Variants in CCDC60 observed in about 807,000 individuals in gnomAD.
CCDC60 encodes coiled-coil domain-containing protein 60.
A neutral mutation model predicts 63.5 loss-of-function variants in CCDC60; 54 were observed. That is an observed-to-expected ratio of 0.85 (90% CI 0.68 to 1.07). The LOEUF is 1.07. CCDC60 is among the 50% of genes least tolerant of loss of function. The pLI is 0.00. For missense variants in CCDC60, 651 were observed against 684.3 expected (o/e 0.95, Z 0.54); for synonymous variants, 206 against 238.8 (o/e 0.86, Z 1.27).
intron 1 of CCDC60, among the ~76,000 whole-genome samples, chr12:119,382,256 C>T (rs908647275): frequency 6.6e-6 from 1 of 152,174 alleles, no homozygotes; most frequent in Non-Finnish European, 1.5e-5. Flanking sequence ...AGCGTTTTAC[C>T]ATGAGGCAGA....
chr12:119,428,563 C>T, intron 1 of CCDC60, 120 bp from the exon 2 acceptor site: 1 of 658,918 alleles, frequency 1.5e-6, no homozygotes, highest in Non-Finnish European at 2.7e-6. Flanking sequence ...TCTGTGCTGC[C>T]CAGGACTCCT....
chr12:119,537,579 C>T (rs531321987), intron 13 of CCDC60, among the ~76,000 whole-genome samples: 3 of 152,262 alleles, frequency 2.0e-5, no homozygotes, highest in Admixed American at 6.5e-5. Flanking sequence ...TTGGTGGTGA[C>T]CTACAGATGG....
chr12:119,359,998 T>G (rs1180292121), intron 1 of CCDC60, among the ~76,000 whole-genome samples: 1 of 152,096 alleles, frequency 6.6e-6, no homozygotes, highest in Non-Finnish European at 1.5e-5. Flanking sequence ...CCCCTTTCTA[T>G]TCCACAAAGC....
chr12:119,418,386 CTTTTTTTTTTTT>C (rs556783132), intron 1 of CCDC60, among the ~76,000 whole-genome samples: 1 of 65,758 alleles, frequency 1.5e-5, no homozygotes, highest in Non-Finnish European at 2.7e-5. Context: ...TTCTTTCTTT[CTTTTTTTTTTTT>C]TTTTTTTTTT....
At chr12:119,514,485 G>T (rs889318682) in intron 7 of CCDC60, among the ~76,000 whole-genome samples, 3 of 151,696 alleles carry the variant, frequency 2.0e-5, no homozygotes, top group African/African-American at 7.3e-5. Flanking sequence ...CACCGCATCT[G>T]CCCTTAGTTT....
chr12:119,479,063 C>A, intron 3 of CCDC60, 31 bp from the exon 4 acceptor site: 1 of 1,491,672 alleles, frequency 6.7e-7, no homozygotes, highest in South Asian at 1.1e-5. Flanking sequence ...GCTCATTGTT[C>A]ACATTGTTTC....
At chr12:119,407,903 G>A (rs1956523210) in intron 1 of CCDC60, among the ~76,000 whole-genome samples, 2 of 152,214 alleles carry the variant, frequency 1.3e-5, no homozygotes, top group South Asian at 4.1e-4. Flanking sequence ...TGGTAGTTCA[G>A]TTATGGAATG....
Position 119,538,501 on chromosome 12 carries a change from T to A in CCDC60, c.1552-2113T>A, listed in dbSNP as rs1593235471. 2.0e-5 allele frequency among the ~76,000 whole-genome samples: 3 copies of A among 152,236 alleles called. No individual in the cohort carries two copies. In the East Asian group the frequency reaches 5.8e-4, roughly 29 times the overall value. On this transcript the variant is annotated intron_variant, in intron 13 of 13. Transcript: ENST00000327554. ...AGAAATCACCTGTCTTCTGCATCGA[T>A]CATGCTGGGAGCTGCAGACTGGAGC...
At chr12:119,513,172 T>G (rs1952258441) in intron 7 of CCDC60, among the ~76,000 whole-genome samples, 1 of 152,170 alleles carries the variant, frequency 6.6e-6, no homozygotes, top group South Asian at 2.1e-4. Flanking sequence ...AATTGAGATA[T>G]CCAGGGATTT....
intron 1 of CCDC60, among the ~76,000 whole-genome samples, chr12:119,358,217 T>C (rs1361119099): frequency 6.6e-6 from 1 of 152,130 alleles, no homozygotes; most frequent in Non-Finnish European, 1.5e-5. Flanking sequence ...CCAAACCATG[T>C]CAGGTGATTA....
At chr12:119,399,260 T>C (rs1326359249) in intron 1 of CCDC60, among the ~76,000 whole-genome samples, 1 of 152,164 alleles carries the variant, frequency 6.6e-6, no homozygotes, top group Non-Finnish European at 1.5e-5. Flanking sequence ...TCTTAGTTCA[T>C]GGGGTGCTCA....
intron 1 of CCDC60, among the ~76,000 whole-genome samples, chr12:119,358,050 A>T (rs1955735809): frequency 6.6e-6 from 1 of 152,054 alleles, no homozygotes; most frequent in South Asian, 2.1e-4. Flanking sequence ...AAACAACCAG[A>T]TCTCATGAGC....
intron 2 of CCDC60, among the ~76,000 whole-genome samples, chr12:119,432,761 A>G (rs1200815052): frequency 6.6e-6 from 1 of 150,994 alleles, no homozygotes; most frequent in African/African-American, 2.5e-5. Flanking sequence ...AAACACAGCT[A>G]TTGTTAAAGA....
chr12:119,393,035 AC>A (rs1956188296), intron 1 of CCDC60, among the ~76,000 whole-genome samples: 1 of 152,208 alleles, frequency 6.6e-6, no homozygotes, highest in South Asian at 2.1e-4. Context: ...ATGGTGGCAC[AC>A]GCCTATGGTC....
At chr12:119,375,266 G>GA (rs1955939610) in intron 1 of CCDC60, among the ~76,000 whole-genome samples, 1 of 152,118 alleles carries the variant, frequency 6.6e-6, no homozygotes, top group Non-Finnish European at 1.5e-5. Context: ...CAGCTTTCTG[G>GA]AAAAAACAAA....
At chr12:119,458,513 T>C (rs916800222) in intron 2 of CCDC60, among the ~76,000 whole-genome samples, 1 of 152,210 alleles carries the variant, frequency 6.6e-6, no homozygotes, top group African/African-American at 2.4e-5. Context: ...CCCCCCATAA[T>C]AGAAAGGTTG....
intron 12 of CCDC60, among the ~76,000 whole-genome samples, chr12:119,530,544 T>C (rs1229496792): frequency 6.6e-6 from 1 of 152,214 alleles, no homozygotes; most frequent in Non-Finnish European, 1.5e-5. Flanking sequence ...TCCGACCTGA[T>C]TAACCCTCAG....
intron 7 of CCDC60, 100 bp from the exon 8 acceptor site, chr12:119,516,523 G>T (rs955898624): frequency 1.4e-6 from 1 of 730,278 alleles, no homozygotes. Context: ...CAACCCTCAG[G>T]AGCAGAGGTG....
At chr12:119,355,727 A>C (rs1460151770) in intron 1 of CCDC60, among the ~76,000 whole-genome samples, 2 of 152,378 alleles carry the variant, frequency 1.3e-5, no homozygotes, top group East Asian at 3.9e-4. Context: ...AGCAGCTCAG[A>C]GGCAGTTCTG....
Sources: allele counts gnomAD v4.1 joint callset (sites outside exome capture counted in the v4.1 genomes callset), GRCh38; gene constraint gnomAD v4.1.1; transcripts MANE v1.5; gene names NCBI Gene and HGNC (gene_info 2026-07-23, HGNC 2026-07-21).